NRF1: variants seen among roughly 807,000 people sequenced by gnomAD.
NRF1 encodes nuclear respiratory factor 1, also known as alpha palindromic-binding protein.
In NRF1, 5 loss-of-function variants were observed where a neutral mutation model predicts 58.5. That is an observed-to-expected ratio of 0.09 (90% CI 0.04 to 0.18). The LOEUF is 0.18. Ranked by LOEUF, NRF1 falls within the 10% of genes least tolerant of loss-of-function variation. The probability of loss-of-function intolerance (pLI) is 1.00; values close to 1 mark genes in which losing one functional copy is unlikely to be tolerated. For synonymous variants in NRF1, 224 were observed against 246.7 expected (o/e 0.91, Z 0.86); for missense variants, 288 against 657.7 (o/e 0.44, Z 6.15).
intron 6 of NRF1, 93 bp from the exon 7 acceptor site, chr7:129,710,281 A>G: frequency 3.4e-6 from 4 of 1,161,446 alleles, no homozygotes; most frequent in Admixed American, 1.7e-5. Context: ...GTTTGGTTTG[A>G]TTTGATAAAG....
chr7:129,669,908 A>G (rs886213367), intron 2 of NRF1, among the ~76,000 whole-genome samples: 9 of 152,222 alleles, frequency 5.9e-5, no homozygotes, highest in African/African-American at 1.7e-4. Flanking sequence ...TCATTGTTGT[A>G]TTATTCACAA....
chr7:129,678,292 C>A (rs1157858195), intron 4 of NRF1, among the ~76,000 whole-genome samples: 3 of 152,150 alleles, frequency 2.0e-5, no homozygotes, highest in Non-Finnish European at 4.4e-5. Flanking sequence ...TTTGCCCCTG[C>A]ATACTTATAC....
At chr7:129,658,836 C>G (rs74519611) in intron 2 of NRF1, among the ~76,000 whole-genome samples, 3,727 of 151,966 alleles carry the variant, frequency 0.025, 54 homozygotes, top group Middle Eastern at 0.075. Context: ...AACAATATAA[C>G]AATTAAAAAT....
At chr7:129,687,556 G>A (rs36033773) in intron 4 of NRF1, among the ~76,000 whole-genome samples, 43,257 of 152,112 alleles carry the variant, frequency 0.28, 7,840 homozygotes, top group Non-Finnish European at 0.41. Context: ...GATTACAGGC[G>A]TGAGCCACCG....
chr7:129,752,202 A>C (rs1335136349), intron 10 of NRF1, among the ~76,000 whole-genome samples: 4 of 152,198 alleles, frequency 2.6e-5, no homozygotes, highest in African/African-American at 9.6e-5. Flanking sequence ...AATCCAGAGG[A>C]GGCTGCTCCA....
At chr7:129,651,097 C>T (rs1054033142) in intron 1 of NRF1, among the ~76,000 whole-genome samples, 2 of 152,228 alleles carry the variant, frequency 1.3e-5, no homozygotes, top group African/African-American at 4.8e-5. Context: ...AATACCTTTG[C>T]CTTTGCTTTT....
At chr7:129,735,171 T>C (rs896919304) in intron 10 of NRF1, 2 of 985,266 alleles carry the variant, frequency 2.0e-6, no homozygotes, top group African/African-American at 3.5e-5. Context: ...CTGCCCTGGT[T>C]AAGACTAGGG....
intron 2 of NRF1, 51 bp from the exon 3 acceptor site, chr7:129,671,378 G>T: frequency 8.7e-7 from 1 of 1,152,350 alleles, no homozygotes; most frequent in Non-Finnish European, 1.3e-6. Context: ...TTTCTGTCTT[G>T]AACAGTTTAC....
chr7:129,619,292 C>T (rs959117083), intron 1 of NRF1, among the ~76,000 whole-genome samples: 5 of 148,786 alleles, frequency 3.4e-5, no homozygotes, highest in African/African-American at 1.3e-4. Flanking sequence ...GCCGGAGGAT[C>T]GCTTGAACCC....
chr7:129,745,839 T>C (rs1230491428), intron 10 of NRF1, among the ~76,000 whole-genome samples: 2 of 152,242 alleles, frequency 1.3e-5, no homozygotes, highest in Non-Finnish European at 2.9e-5. Context: ...TCTTGAGATA[T>C]ATTTACTAAT....
chr7:129,696,060 T>TAAAAAAA (rs11434445), intron 5 of NRF1, among the ~76,000 whole-genome samples: 4 of 53,378 alleles, frequency 7.5e-5, no homozygotes, highest in African/African-American at 5.1e-4. Context: ...CCGTCTCTAC[T>TAAAAAAA]AAAAAAAAAA....
intron 4 of NRF1, among the ~76,000 whole-genome samples, chr7:129,682,391 A>C (rs1802336241): frequency 6.6e-6 from 1 of 151,660 alleles, no homozygotes; most frequent in African/African-American, 2.4e-5. Flanking sequence ...CCCAGAGGTC[A>C]AGTCTGCAGT....
intron 3 of NRF1, among the ~76,000 whole-genome samples, 172 bp from the exon 4 acceptor site, chr7:129,677,460 G>A (rs1802208577): frequency 6.6e-6 from 1 of 152,092 alleles, no homozygotes; most frequent in African/African-American, 2.4e-5. Context: ...TTAAGAAAAA[G>A]GTATGTACAT....
rs559192643 is a variant in NRF1 at position 129,707,190 on chromosome 7, C to A, written c.607-1885C>A. On this transcript the variant is annotated intron_variant, in intron 5 of 10. Transcript: ENST00000393232. The stretch of plus-strand genomic sequence containing the variant: ...TGTATTTTTGGTAGAGACAGAGTCC[C>A]ACTGTGTTGCCCAAGCTGGTCTCAA... Among the ~76,000 whole-genome samples, 5 of 152,088 alleles carry A rather than the reference C, an allele frequency of 3.3e-5. No homozygotes were observed. In the South Asian group the frequency reaches 1.0e-3, roughly 32 times the overall value.
At chr7:129,677,820 C>T in intron 4 of NRF1, 62 bp downstream of exon 4, 4 of 1,595,530 alleles carry the variant, frequency 2.5e-6, no homozygotes, top group Non-Finnish European at 3.4e-6. Context: ...TTCCATTCTT[C>T]TGATCCTCTG....
At chr7:129,717,433 G>A in intron 9 of NRF1, 57 bp downstream of exon 9, 2 of 1,524,042 alleles carry the variant, frequency 1.3e-6, no homozygotes, top group East Asian at 2.3e-5. Context: ...TGCAGATATG[G>A]GTGGAGGCCC....
chr7:129,743,777 C>A (rs1043192590), intron 10 of NRF1, among the ~76,000 whole-genome samples: 2 of 152,168 alleles, frequency 1.3e-5, no homozygotes, highest in African/African-American at 4.8e-5. Context: ...TCTGAGCGAG[C>A]CAGTGTAAGC....
intron 5 of NRF1, among the ~76,000 whole-genome samples, chr7:129,702,338 G>C (rs1190014663): frequency 6.6e-6 from 1 of 152,216 alleles, no homozygotes; most frequent in African/African-American, 2.4e-5. Flanking sequence ...GAGTCTAAAT[G>C]AGTGTCTCCA....
At chr7:129,626,175 G>T (rs780288492) in intron 1 of NRF1, among the ~76,000 whole-genome samples, 5 of 152,154 alleles carry the variant, frequency 3.3e-5, no homozygotes, top group Non-Finnish European at 5.9e-5. Flanking sequence ...GATTTGTGAA[G>T]ATATAAGGAA....
Sources: gnomAD v4.1 joint callset for allele counts (sites outside exome capture counted in the v4.1 genomes callset) on GRCh38, gnomAD v4.1.1 for gene constraint, MANE v1.5 for transcripts, NCBI Gene and HGNC (gene_info 2026-07-23, HGNC 2026-07-21) for gene names.